Variants in ENTREP1 observed in about 807,000 individuals in gnomAD.
The protein encoded by ENTREP1 is endosomal transmembrane epsin interactor 1, also known as Friedreich ataxia region gene X123.
chr9:69,325,492 C>T, the ENTREP1 span: 50 of 945,016 alleles, frequency 5.3e-5, no homozygotes, highest in East Asian at 1.2e-4. Context: ...GCGCGGCCAC[C>T]GCTGCTGCCG....
At chr9:69,353,126 C>A in the ENTREP1 span, among the ~76,000 whole-genome samples, 1 of 152,166 alleles carries the variant, frequency 6.6e-6, no homozygotes, top group Non-Finnish European at 1.5e-5. Flanking sequence ...GACAGAGTGA[C>A]ACCCTACCTC....
chr9:69,326,284 G>A, the ENTREP1 span, among the ~76,000 whole-genome samples: 2 of 152,114 alleles, frequency 1.3e-5, no homozygotes, highest in African/African-American at 2.4e-5. Flanking sequence ...GGTAATGAGG[G>A]GGTGTGTGTG....
chr9:69,382,430 A>G, the ENTREP1 span: 5 of 152,102 alleles, frequency 3.3e-5, no homozygotes, highest in African/African-American at 4.8e-5. Flanking sequence ...CTCGCTTCCA[A>G]CTGGAGGCTT....
At chr9:69,367,704 A>AATATAT in the ENTREP1 span, among the ~76,000 whole-genome samples, 52 of 105,056 alleles carry the variant, frequency 4.9e-4, 2 homozygotes, top group East Asian at 5.2e-4. Flanking sequence ...CATATATATA[A>AATATAT]ATATATATAT....
chr9:69,326,686 T>G, the ENTREP1 span, among the ~76,000 whole-genome samples: 3 of 152,216 alleles, frequency 2.0e-5, no homozygotes, highest in Non-Finnish European at 4.4e-5. Context: ...CTATGGAAGA[T>G]GAGCACAGTA....
chr9:69,330,710 T>C, the ENTREP1 span, among the ~76,000 whole-genome samples: 16 of 152,366 alleles, frequency 1.1e-4, no homozygotes, highest in Admixed American at 9.8e-4. Context: ...ATGAGTTTTA[T>C]TGATTTCTTT....
chr9:69,335,950 C>T, the ENTREP1 span, among the ~76,000 whole-genome samples: 1 of 104,704 alleles, frequency 9.6e-6, no homozygotes, highest in African/African-American at 3.6e-5. Context: ...TGCTATTGCA[C>T]TGCAGCCTGG....
At chr9:69,387,803 C>A in the ENTREP1 span, 2 of 949,122 alleles carry the variant, frequency 2.1e-6, no homozygotes, top group South Asian at 1.7e-5. Flanking sequence ...CATTGGTCAG[C>A]CACATTTTTC....
At chr9:69,340,791 G>A in the ENTREP1 span, among the ~76,000 whole-genome samples, 8 of 92,720 alleles carry the variant, frequency 8.6e-5, no homozygotes, top group South Asian at 4.9e-4. Context: ...GTGTGTGCAT[G>A]TGTGTGTGCA....
At chr9:69,386,102 T>C in the ENTREP1 span, 1 of 556,058 alleles carries the variant, frequency 1.8e-6, no homozygotes, top group East Asian at 3.4e-5. Context: ...ATATTCTACG[T>C]CCATGTTAGG....
chr9:69,348,141 A>C, the ENTREP1 span, among the ~76,000 whole-genome samples: 1 of 152,128 alleles, frequency 6.6e-6, no homozygotes, highest in Non-Finnish European at 1.5e-5. Context: ...TTTTAAAAGA[A>C]GATCTCACTG....
the ENTREP1 span, chr9:69,324,730 C>T: frequency 1.8e-5 from 18 of 985,262 alleles, no homozygotes; most frequent in Non-Finnish European, 2.2e-5. Flanking sequence ...CCCCAAAGCC[C>T]CTCCTCCAGG....
chr9:69,385,846 C>G, the ENTREP1 span: 1 of 1,608,304 alleles, frequency 6.2e-7, no homozygotes, highest in Admixed American at 1.7e-5. Context: ...ACCTCAACTC[C>G]CAGTTCAACC....
the ENTREP1 span, among the ~76,000 whole-genome samples, chr9:69,327,180 C>T: frequency 2.6e-5 from 4 of 152,262 alleles, no homozygotes; most frequent in South Asian, 2.1e-4. Flanking sequence ...TATTGGGGTA[C>T]GTGCTGGACT....
the ENTREP1 span, among the ~76,000 whole-genome samples, chr9:69,327,634 G>GAAAAGA: frequency 0.1 from 15,632 of 150,400 alleles, 897 homozygotes; most frequent in East Asian, 0.19. Context: ...GAAAAGAAAA[G>GAAAAGA]AAAAAAAAAG....
At chr9:69,325,348 C>A in the ENTREP1 span, 22 of 1,167,276 alleles carry the variant, frequency 1.9e-5, no homozygotes, top group African/African-American at 3.4e-4. Context: ...CCTGCTGCCC[C>A]GTGGCTGGGC....
chr9:69,377,260 T>G, the ENTREP1 span: 2 of 756,290 alleles, frequency 2.6e-6, no homozygotes, highest in Non-Finnish European at 4.7e-6. Context: ...CATCCTCTCC[T>G]GAGAATTGTC....
At chr9:69,324,624 A>G in the ENTREP1 span, 1 of 984,760 alleles carries the variant, frequency 1.0e-6, no homozygotes, top group Non-Finnish European at 1.2e-6. Context: ...TCCCGCGCCG[A>G]TGCGAGGTAG....
At chr9:69,356,403 A>G in the ENTREP1 span, among the ~76,000 whole-genome samples, 4 of 152,216 alleles carry the variant, frequency 2.6e-5, no homozygotes, top group African/African-American at 9.6e-5. Context: ...GAGTACAGAC[A>G]GGGAAGGACT....
Sources: gnomAD v4.1 joint callset for allele counts (sites outside exome capture counted in the v4.1 genomes callset) on GRCh38, gnomAD v4.1.1 for gene constraint, MANE v1.5 for transcripts, NCBI Gene and HGNC (gene_info 2026-07-23, HGNC 2026-07-21) for gene names.